C12orf50: variants seen among roughly 807,000 people sequenced by gnomAD.
C12orf50 encodes zinc finger CCCH-type containing 11D, also known as uncharacterized protein C12orf50.
Under a neutral mutation model 61.6 loss-of-function variants are expected in C12orf50, and 35 were observed. The observed-to-expected ratio is 0.57, with a 90% CI of 0.43 to 0.75. The LOEUF is 0.75. Ranked by LOEUF, C12orf50 falls within the 30% of genes least tolerant of loss-of-function variation. The pLI is 0.00. For missense variants in C12orf50, 475 were observed against 488.5 expected, an observed-to-expected ratio of 0.97 and a Z score of 0.26; for synonymous variants, 178 against 161.5, an observed-to-expected ratio of 1.10 and a Z score of -0.77.
chr12:88,026,651 A>T (rs2032717871), intron 2 of C12orf50, 43 bp from the exon 3 acceptor site: 1 of 1,602,768 alleles, frequency 6.2e-7, no homozygotes, highest in African/African-American at 1.3e-5. Flanking sequence ...ATTAGATGCC[A>T]TATTTACAAC....
At chr12:88,005,823 A>G (rs938273816) in intron 3 of C12orf50, among the ~76,000 whole-genome samples, 3 of 151,478 alleles carry the variant, frequency 2.0e-5, no homozygotes, top group Non-Finnish European at 2.9e-5. Context: ...CCCTTCTGGG[A>G]TAACTAGAAA....
At chr12:88,020,337 G>A (rs533877295) in intron 3 of C12orf50, among the ~76,000 whole-genome samples, 1 of 152,082 alleles carries the variant, frequency 6.6e-6, no homozygotes, top group Admixed American at 6.5e-5. Flanking sequence ...TCAAAATAAA[G>A]AAATTGTGAA....
At chr12:88,027,239 C>T (rs2032741946) in intron 1 of C12orf50, among the ~76,000 whole-genome samples, 169 bp from the exon 2 acceptor site, 1 of 152,172 alleles carries the variant, frequency 6.6e-6, no homozygotes, top group Non-Finnish European at 1.5e-5. Flanking sequence ...ATTAGTCTAA[C>T]TTTAGTGAGA....
intron 1 of C12orf50, chr12:88,028,993 G>C (rs1258911180): frequency 3.7e-6 from 3 of 810,812 alleles, no homozygotes; most frequent in Non-Finnish European, 4.8e-6. Context: ...AGCAATACAA[G>C]TTATTGCCAT....
intron 9 of C12orf50, 104 bp downstream of exon 9, chr12:87,987,746 A>C (rs563198905): frequency 1.3e-5 from 10 of 766,494 alleles, no homozygotes; most frequent in Admixed American, 5.5e-5. Context: ...TAATTTTTAA[A>C]CCTTTTTTCT....
chr12:88,005,628 T>C (rs1163633481), intron 3 of C12orf50, among the ~76,000 whole-genome samples: 1 of 152,182 alleles, frequency 6.6e-6, no homozygotes, highest in Non-Finnish European at 1.5e-5. Flanking sequence ...TATTTTATGT[T>C]ATTTATTTTA....
chr12:87,986,318 G>A lies in C12orf50; in HGVS notation c.916C>T (p.Gln306Ter), dbSNP rs758693310. ...AAATATATAGACACCTTACCTCTCTGCATTCCAGAGTTAGGAAAGTTCTGT... is the reference window on the plus strand; with the variant it reads ...AAATATATAGACACCTTACCTCTCTACATTCCAGAGTTAGGAAAGTTCTGT... ...EPQNFPNSGM[Q>*]RAVQAPRPQN... Residue 306 changes from glutamine to a stop codon, truncating the protein, a stop_gained, in exon 10 of 13, where the codon CAG (glutamine) becomes TAG (stop). Coordinates refer to ENST00000298699, the MANE Select transcript of C12orf50 (RefSeq NM_152589.3). LOFTEE classifies it high-confidence loss of function. 6.3e-6 allele frequency: 10 copies of A among 1,589,782 alleles called. No homozygotes were observed. The highest frequency in any genetic ancestry group is 1.4e-5 in the African/African-American group (1 of 73,652).
Position 88,008,642 on chromosome 12 carries a change from A to C in C12orf50, c.134-10452T>G, listed in dbSNP as rs541220340. ...CATTTTTTACCTATTTAAAACTGTG[A>C]AATATAACACATACACAGAAAAGTA... On this transcript the variant is annotated intron_variant, in intron 3 of 12. Transcript: ENST00000298699. Among the ~76,000 whole-genome samples, 5 of 152,266 alleles carry C rather than the reference A, an allele frequency of 3.3e-5. No homozygotes were observed. The South Asian group carries it at 1.0e-3, about 32-fold the overall frequency.
chr12:88,013,460 G>A (rs2032189012), intron 3 of C12orf50, among the ~76,000 whole-genome samples: 1 of 152,152 alleles, frequency 6.6e-6, no homozygotes, highest in Non-Finnish European at 1.5e-5. Context: ...ATTCTATCAT[G>A]TTAAATTCCC....
At chr12:88,005,960 A>G (rs1260485763) in intron 3 of C12orf50, among the ~76,000 whole-genome samples, 1 of 123,516 alleles carries the variant, frequency 8.1e-6, no homozygotes, top group African/African-American at 3.2e-5. Context: ...TCAGTCGCCC[A>G]GGCTGGAGTG....
intron 7 of C12orf50, among the ~76,000 whole-genome samples, chr12:87,990,150 C>T (rs1565742085): frequency 6.6e-6 from 1 of 152,142 alleles, no homozygotes; most frequent in Non-Finnish European, 1.5e-5. Flanking sequence ...AGAAAAGCCA[C>T]TATTTAATGT....
At chr12:88,027,387 T>C (rs1027688510) in intron 1 of C12orf50, among the ~76,000 whole-genome samples, 1 of 152,168 alleles carries the variant, frequency 6.6e-6, no homozygotes, top group African/African-American at 2.4e-5. Flanking sequence ...TTGATCACAA[T>C]TCAATGACAG....
intron 3 of C12orf50, among the ~76,000 whole-genome samples, chr12:88,022,038 A>C (rs2032535974): frequency 6.9e-6 from 1 of 144,978 alleles, no homozygotes; most frequent in Admixed American, 6.9e-5. Flanking sequence ...AAAGAAAACC[A>C]AAAAAAAAAA....
chr12:88,014,284 T>C (rs1366522021), intron 3 of C12orf50, among the ~76,000 whole-genome samples: 1 of 140,662 alleles, frequency 7.1e-6, no homozygotes, highest in Admixed American at 6.7e-5. Context: ...GTGAGATACT[T>C]TTTTTAATTT....
At chr12:88,010,484 A>G (rs1193573087) in intron 3 of C12orf50, among the ~76,000 whole-genome samples, 3 of 146,516 alleles carry the variant, frequency 2.0e-5, no homozygotes, top group Admixed American at 1.4e-4. Flanking sequence ...TAATAAGATT[A>G]TAAGATTATT....
chr12:88,024,654 ATATC>A (rs1555190139), intron 3 of C12orf50, among the ~76,000 whole-genome samples: 3 of 152,180 alleles, frequency 2.0e-5, no homozygotes, highest in Admixed American at 6.6e-5. Flanking sequence ...ATCAGAAAAA[ATATC>A]TATCAGATAG....
At chr12:88,002,892 T>G (rs1183358776) in intron 3 of C12orf50, among the ~76,000 whole-genome samples, 1 of 151,814 alleles carries the variant, frequency 6.6e-6, no homozygotes, top group African/African-American at 2.4e-5. Flanking sequence ...CATCAGAATC[T>G]ATTTCACTTT....
chr12:87,985,573 A>C (rs1049921130), intron 11 of C12orf50: 6 of 430,392 alleles, frequency 1.4e-5, no homozygotes, highest in Non-Finnish European at 2.1e-5. Context: ...AGTGACATGA[A>C]GCTGTCCTGG....
At chr12:88,013,076 A>G (rs2032172897) in intron 3 of C12orf50, among the ~76,000 whole-genome samples, 1 of 152,068 alleles carries the variant, frequency 6.6e-6, no homozygotes, top group South Asian at 2.1e-4. Context: ...AAAAATACAC[A>G]TGTATATGAC....
Sources: allele counts gnomAD v4.1 joint callset (sites outside exome capture counted in the v4.1 genomes callset), GRCh38; gene constraint gnomAD v4.1.1; transcripts MANE v1.5; gene names NCBI Gene and HGNC (gene_info 2026-07-23, HGNC 2026-07-21).